The following TLK1 variants were observed in gnomAD, a reference collection of about 807,000 sequenced individuals.
The protein encoded by TLK1 is tousled like kinase 1.
Under a neutral mutation model 105.3 loss-of-function variants are expected in TLK1, and 24 were observed. The ratio of observed to expected loss-of-function variants is 0.23; its 90% CI spans 0.17 to 0.32. The LOEUF (loss-of-function observed/expected upper bound fraction) is 0.32. Ranked by LOEUF, TLK1 falls within the 10% of genes least tolerant of loss-of-function variation. TLK1 has a pLI of 1.00. For synonymous variants in TLK1, 321 were observed against 310.4 expected, an observed-to-expected ratio of 1.03 and a Z score of -0.36; for missense variants, 558 against 910.5, an observed-to-expected ratio of 0.61 and a Z score of 4.98.
chr2:171,034,434 C>T (rs1317676665), intron 11 of TLK1, among the ~76,000 whole-genome samples: 2 of 152,146 alleles, frequency 1.3e-5, no homozygotes, highest in Non-Finnish European at 2.9e-5. Flanking sequence ...CTGATACATG[C>T]TACAACATGA....
At chr2:171,022,084 AAAAC>A (rs973165992) in intron 12 of TLK1, among the ~76,000 whole-genome samples, 25 of 14,894 alleles carry the variant, frequency 1.7e-3, no homozygotes, top group Middle Eastern at 0.045. Context: ...GCCTGGGCGA[AAAAC>A]ACACACACAC....
chr2:171,069,921 CA>C (rs1162324314), intron 3 of TLK1, among the ~76,000 whole-genome samples: 4 of 152,212 alleles, frequency 2.6e-5, no homozygotes, highest in Non-Finnish European at 5.9e-5. Context: ...CCCTGAGACC[CA>C]AAATTTGAAA....
chr2:171,198,840 T>TTGATCA (rs1693327032), intron 1 of TLK1, among the ~76,000 whole-genome samples: 1 of 152,256 alleles, frequency 6.6e-6, no homozygotes, highest in African/African-American at 2.4e-5. Context: ...CTTTCCTATC[T>TTGATCA]ATTTACCTGT....
At chr2:171,030,250 A>G (rs903355238) in intron 11 of TLK1, among the ~76,000 whole-genome samples, 1 of 152,204 alleles carries the variant, frequency 6.6e-6, no homozygotes, top group African/African-American at 2.4e-5. Context: ...AAAAAGGAGT[A>G]TTCAAAGGAA....
At chr2:171,206,025 A>C (rs914808134) in intron 1 of TLK1, among the ~76,000 whole-genome samples, 1 of 152,220 alleles carries the variant, frequency 6.6e-6, no homozygotes, top group African/African-American at 2.4e-5. Context: ...CTACTGCAGT[A>C]AATGAAACTA....
intron 1 of TLK1, among the ~76,000 whole-genome samples, chr2:171,226,208 A>G (rs1330508344): frequency 6.6e-6 from 1 of 152,220 alleles, no homozygotes; most frequent in East Asian, 1.9e-4. Context: ...TTACAACCAC[A>G]TAATCTAACC....
At position 171,073,878 on chromosome 2, in the gene TLK1, C is replaced by CA. The variant is rs1553473012; in HGVS notation, c.330+8902_330+8903insT. Among the ~76,000 whole-genome samples the CA allele has an allele frequency of 1.5e-4, 14 of 94,492 alleles. No individual in the cohort carries two copies. The East Asian group carries it at 3.8e-3, about 26-fold the overall frequency. 62.0% of individuals were successfully genotyped at this position (94,492 alleles called of 152,430 possible). A position where few individuals can be genotyped will look rare whatever the true frequency, so the allele number is the denominator to read the frequency against. ...AAGAGAATAAACTTAACATTCCCCC[C>CA]CCCCCTCCTTTTTTTTTCTTTCTTT... On this transcript the variant is annotated intron_variant, in intron 3 of 20. Transcript: ENST00000431350.
rs1003308008 is a variant in TLK1, at chr2:171,134,590, G to A, written c.140-16733C>T. ...AAGAAACTGAAATCATTATGTTAAG[G>A]AGATATCTGCACTCCCATGTTCACT... On this transcript the variant is annotated intron_variant, in intron 1 of 20. Transcript: ENST00000431350. Among the ~76,000 whole-genome samples, 7 of 151,390 alleles carry A rather than the reference G, an allele frequency of 4.6e-5. No homozygotes were observed. In the South Asian group the frequency reaches 1.5e-3, roughly 32 times the overall value.
chr2:171,058,256 A>C, intron 4 of TLK1, 59 bp from the exon 5 acceptor site: 1 of 1,464,042 alleles, frequency 6.8e-7, no homozygotes, highest in Non-Finnish European at 9.6e-7. Flanking sequence ...AAAAAATATT[A>C]AGAGTCCGCA....
chr2:170,993,685 A>AAG lies in TLK1; in HGVS notation c.*94_*95insCT, dbSNP rs879185309. ...GTCTTGTGTAAAAAAAAAAAAAAAA[A>AAG]AAAAAGAAAAAGAAAACAAACACTC... On this transcript the variant is annotated 3_prime_UTR_variant, in exon 21 of 21. Coordinates refer to ENST00000431350, the MANE Select transcript of TLK1 (RefSeq NM_012290.5). 2.6e-3 allele frequency: 2,583 copies of AAG among 993,474 alleles called. 4 individuals are homozygous for AAG. Among genetic ancestry groups the AAG allele is most frequent in the Non-Finnish European group, 2.9e-3 (2,129 of 741,818 alleles). 61.5% of individuals were successfully genotyped at this position (993,474 alleles called of 1,614,324 possible).
chr2:171,118,666 A>G (rs1690532706), intron 1 of TLK1, among the ~76,000 whole-genome samples: 2 of 152,318 alleles, frequency 1.3e-5, no homozygotes, highest in Middle Eastern at 6.8e-3. Context: ...TACTTTATCT[A>G]TGTCTGCTAA....
At chr2:171,182,935 AAAAGAAAGAAAGAAAGAAAG>A (rs750018547) in intron 1 of TLK1, among the ~76,000 whole-genome samples, 2 of 128,780 alleles carry the variant, frequency 1.6e-5, no homozygotes, top group African/African-American at 3.6e-5. Flanking sequence ...AAAAAAAAAA[AAAAGAAAGAAAGAAAGAAAG>A]AAAGAAAGAA....
chr2:170,996,070 T>C (rs1401998765), intron 20 of TLK1, among the ~76,000 whole-genome samples: 4 of 151,762 alleles, frequency 2.6e-5, no homozygotes, highest in African/African-American at 9.7e-5. Flanking sequence ...TCGTCATGGC[T>C]CACTGCAGCC....
chr2:171,089,961 G>T (rs1472713326), intron 2 of TLK1, among the ~76,000 whole-genome samples: 3 of 152,008 alleles, frequency 2.0e-5, no homozygotes, highest in African/African-American at 7.2e-5. Context: ...TATAATTTTG[G>T]AATCAGCTTG....
At position 171,211,363 on chromosome 2, in the gene TLK1, C is replaced by T. The variant is rs553552597; in HGVS notation, c.-6+19782G>A. 4.6e-5 allele frequency among the ~76,000 whole-genome samples: 7 copies of T among 152,284 alleles called. No individual in the cohort carries two copies. In the East Asian group the frequency reaches 1.2e-3, roughly 25 times the overall value. On this transcript the variant is annotated intron_variant, in intron 1 of 20. Coordinates refer to the TLK1 transcript ENST00000521943. ...ACCGTTTGTCACGGTAAGTTCACTT[C>T]CTCTTTCTTTTCTTGTGTAGTTGAA...
intron 1 of TLK1, among the ~76,000 whole-genome samples, chr2:171,171,873 A>G (rs1390758100): frequency 6.6e-6 from 1 of 152,220 alleles, no homozygotes; most frequent in Non-Finnish European, 1.5e-5. Flanking sequence ...AGTAACCACT[A>G]AAGCTGAAAT....
intron 1 of TLK1, among the ~76,000 whole-genome samples, chr2:171,130,163 G>A (rs1441825834): frequency 6.6e-6 from 1 of 152,138 alleles, no homozygotes; most frequent in African/African-American, 2.4e-5. Flanking sequence ...CAGCACTTTG[G>A]GAGGCTGAGG....
chr2:171,058,328 A>T, intron 4 of TLK1, 131 bp from the exon 5 acceptor site: 1 of 791,344 alleles, frequency 1.3e-6, no homozygotes, highest in Non-Finnish European at 2.1e-6. Context: ...GAGACATGCC[A>T]ATTTTTAAAA....
chr2:171,219,069 C>T (rs962218751), intron 1 of TLK1, among the ~76,000 whole-genome samples: 8 of 152,182 alleles, frequency 5.3e-5, no homozygotes, highest in Non-Finnish European at 1.0e-4. Flanking sequence ...CGATTTGACT[C>T]TAAAGGCCTT....
Sources: gnomAD v4.1 joint callset for allele counts (sites outside exome capture counted in the v4.1 genomes callset) on GRCh38, gnomAD v4.1.1 for gene constraint, MANE v1.5 for transcripts, NCBI Gene and HGNC (gene_info 2026-07-23, HGNC 2026-07-21) for gene names.